Variants in TBC1D5 observed in about 807,000 individuals in gnomAD.
The protein encoded by TBC1D5 is TBC1 domain family, member 5.
Under a neutral mutation model 100.3 loss-of-function variants are expected in TBC1D5, and 75 were observed. The observed-to-expected ratio is 0.75, with a 90% CI of 0.62 to 0.91. The LOEUF (loss-of-function observed/expected upper bound fraction) is 0.91, where lower values mean the gene tolerates loss of function less well. Ranked by LOEUF, TBC1D5 falls within the 40% of genes least tolerant of loss-of-function variation. The probability of loss-of-function intolerance (pLI) is 0.00; values close to 1 mark genes in which losing one functional copy is unlikely to be tolerated. For synonymous variants in TBC1D5, 323 were observed against 325.6 expected (o/e 0.99, Z 0.09); for missense variants, 910 against 942.4 (o/e 0.97, Z 0.45).
intron 12 of TBC1D5, among the ~76,000 whole-genome samples, chr3:17,373,270 T>C (rs1412231493): frequency 6.6e-6 from 1 of 152,124 alleles, no homozygotes; most frequent in Non-Finnish European, 1.5e-5. Flanking sequence ...AACTATTTCA[T>C]TTTTTAAGAG....
intron 19 of TBC1D5, among the ~76,000 whole-genome samples, chr3:17,177,048 A>C (rs1435256928): frequency 3.9e-5 from 6 of 152,204 alleles, no homozygotes; most frequent in Non-Finnish European, 5.9e-5. Flanking sequence ...AGAGAAACCA[A>C]AATGCTAATA....
At chr3:17,650,107 C>T (rs1243728427) in intron 1 of TBC1D5, among the ~76,000 whole-genome samples, 1 of 151,720 alleles carries the variant, frequency 6.6e-6, no homozygotes, top group Non-Finnish European at 1.5e-5. Context: ...AACACATGGA[C>T]ACAGGGAGGG....
At chr3:17,656,204 C>T (rs12487248) in intron 1 of TBC1D5, among the ~76,000 whole-genome samples, 78,457 of 152,028 alleles carry the variant, frequency 0.52, 22,038 homozygotes, top group East Asian at 0.98. Context: ...TGGCTGCTAG[C>T]TGTATACCAC....
At chr3:17,405,018 C>A (rs756976059) in intron 5 of TBC1D5, 57 bp from the exon 6 acceptor site, 2 of 1,058,358 alleles carry the variant, frequency 1.9e-6, no homozygotes, top group Non-Finnish European at 2.8e-6. Flanking sequence ...AAATGTGAAA[C>A]TATGCCAAAC....
chr3:17,307,945 A>G, intron 14 of TBC1D5, 47 bp downstream of exon 14: 1 of 1,570,460 alleles, frequency 6.4e-7, no homozygotes, highest in Non-Finnish European at 8.6e-7. Context: ...ACATTTTTGA[A>G]AATCAGGAGT....
At chr3:17,581,985 CAT>C (rs2096701099) in intron 2 of TBC1D5, among the ~76,000 whole-genome samples, 1 of 152,178 alleles carries the variant, frequency 6.6e-6, no homozygotes, top group African/African-American at 2.4e-5. Context: ...TCTTTACTCA[CAT>C]GTTACCTTAT....
chr3:17,718,740 T>TCCAAACAG (rs1218006138), intron 1 of TBC1D5, among the ~76,000 whole-genome samples: 142 of 152,280 alleles, frequency 9.3e-4, no homozygotes, highest in African/African-American at 3.3e-3. Context: ...CTGCACCAAT[T>TCCAAACAG]AAACAATCAT....
At chr3:17,672,673 C>T (rs2068079029) in intron 1 of TBC1D5, 1 of 152,162 alleles carries the variant, frequency 6.6e-6, no homozygotes, top group Admixed American at 6.5e-5. Flanking sequence ...TGTCTGCAGG[C>T]TTCTTTGCCA....
chr3:17,599,435 G>A (rs565189373), intron 2 of TBC1D5, among the ~76,000 whole-genome samples: 7 of 152,142 alleles, frequency 4.6e-5, no homozygotes, highest in Admixed American at 2.6e-4. Flanking sequence ...TGAACTCCAC[G>A]GGAAGATTAT....
chr3:17,440,365 C>T (rs1442749736), intron 3 of TBC1D5, among the ~76,000 whole-genome samples: 1 of 152,122 alleles, frequency 6.6e-6, no homozygotes, highest in African/African-American at 2.4e-5. Context: ...GTGGCTCACA[C>T]CTGTAATTCT....
At chr3:17,354,239 T>G (rs909815105) in intron 13 of TBC1D5, among the ~76,000 whole-genome samples, 1 of 152,086 alleles carries the variant, frequency 6.6e-6, no homozygotes, top group African/African-American at 2.4e-5. Context: ...AGTGTAAATG[T>G]AACTGGAAAA....
At chr3:17,496,322 G>A (rs537136287) in intron 3 of TBC1D5, among the ~76,000 whole-genome samples, 1 of 152,194 alleles carries the variant, frequency 6.6e-6, no homozygotes, top group African/African-American at 2.4e-5. Context: ...TTAAATTGAA[G>A]AGCATTAAAC....
At chr3:17,465,984 T>G (rs896830589) in intron 3 of TBC1D5, among the ~76,000 whole-genome samples, 2 of 152,210 alleles carry the variant, frequency 1.3e-5, no homozygotes, top group African/African-American at 4.8e-5. Flanking sequence ...ACTCAACTAT[T>G]GTGAAGAATT....
intron 1 of TBC1D5, among the ~76,000 whole-genome samples, chr3:17,675,358 T>C (rs958983815): frequency 3.9e-5 from 6 of 152,154 alleles, no homozygotes; most frequent in Non-Finnish European, 1.5e-5. Flanking sequence ...GCTGAACTAG[T>C]AGAAACTCCA....
At chr3:17,460,133 T>C (rs1411531139) in intron 3 of TBC1D5, among the ~76,000 whole-genome samples, 1 of 152,192 alleles carries the variant, frequency 6.6e-6, no homozygotes, top group African/African-American at 2.4e-5. Flanking sequence ...AATTAAAGTA[T>C]ATATGCCAAT....
At chr3:17,382,166 T>C (rs900578487) in intron 9 of TBC1D5, among the ~76,000 whole-genome samples, 5 of 152,104 alleles carry the variant, frequency 3.3e-5, no homozygotes. Flanking sequence ...CATGAACCTT[T>C]GCTTGGCACC....
At chr3:17,255,991 G>C (rs1281740689) in intron 16 of TBC1D5, among the ~76,000 whole-genome samples, 2 of 152,166 alleles carry the variant, frequency 1.3e-5, no homozygotes, top group Non-Finnish European at 2.9e-5. Flanking sequence ...AGCCGAGATT[G>C]CGCCACTGCA....
At chr3:17,422,591 A>C (rs1482849367) in intron 4 of TBC1D5, among the ~76,000 whole-genome samples, 1 of 152,144 alleles carries the variant, frequency 6.6e-6, no homozygotes, top group Non-Finnish European at 1.5e-5. Context: ...TCTTGCTGCC[A>C]AAGTAGGCTT....
chr3:17,331,363 TG>T (rs2086842722), intron 13 of TBC1D5, among the ~76,000 whole-genome samples: 1 of 152,246 alleles, frequency 6.6e-6, no homozygotes, highest in East Asian at 1.9e-4. Context: ...ACATTTGTCT[TG>T]GTTGATAATA....
Sources: gnomAD v4.1 joint callset for allele counts (sites outside exome capture counted in the v4.1 genomes callset) on GRCh38, gnomAD v4.1.1 for gene constraint, MANE v1.5 for transcripts, NCBI Gene and HGNC (gene_info 2026-07-23, HGNC 2026-07-21) for gene names.